Variants in NFIX observed in about 807,000 individuals in gnomAD.
NFIX encodes the protein nuclear factor I X.
Under a neutral mutation model 53.3 loss-of-function variants are expected in NFIX, and 2 were observed. That is an observed-to-expected ratio of 0.04 (90% CI 0.02 to 0.12). The LOEUF (loss-of-function observed/expected upper bound fraction) is 0.12, where lower values mean the gene tolerates loss of function less well. Ranked by LOEUF, NFIX falls within the 10% of genes least tolerant of loss-of-function variation. The pLI is 1.00. For missense variants in NFIX, 310 were observed against 674.5 expected (o/e 0.46, Z 5.99); for synonymous variants, 244 against 289.0 (o/e 0.84, Z 1.58).
At chr19:13,080,322 C>T (rs982606586) in intron 7 of NFIX, among the ~76,000 whole-genome samples, 8 of 152,150 alleles carry the variant, frequency 5.3e-5, no homozygotes, top group South Asian at 4.1e-4. Flanking sequence ...TGCAGTGGCA[C>T]GATTATAGCT....
At chr19:13,058,815 G>A (rs1362727245) in intron 2 of NFIX, among the ~76,000 whole-genome samples, 1 of 152,078 alleles carries the variant, frequency 6.6e-6, no homozygotes, top group East Asian at 1.9e-4. Flanking sequence ...CTCCTTCTGG[G>A]GGCCAGACAG....
chr19:13,031,709 C>T (rs2013823273), intron 2 of NFIX, among the ~76,000 whole-genome samples: 1 of 152,064 alleles, frequency 6.6e-6, no homozygotes, highest in African/African-American at 2.4e-5. Context: ...GCCCAAAGGG[C>T]CTTATTTGGG....
Position 13,001,868 on chromosome 19 carries a change from G to A in NFIX, c.27+6004G>A, listed in dbSNP as rs1009874307. ...TCAGTCCCTTCCCATGAGGTTGAGCGGCCGCAGTGGCCTTGCTGGGGGCCC... is the reference window on the plus strand; with the variant it reads ...TCAGTCCCTTCCCATGAGGTTGAGCAGCCGCAGTGGCCTTGCTGGGGGCCC... On this transcript the variant is annotated intron_variant, in intron 1 of 10. Transcript: ENST00000592199. This position sits in a 1 kb window ranked among gnomAD's most constrained non-coding sequence, Gnocchi z 6.5. Among the ~76,000 whole-genome samples the A allele has an allele frequency of 6.6e-6, 1 of 152,228 alleles. No homozygotes were observed. Among genetic ancestry groups the A allele is most frequent in the Non-Finnish European group, 1.5e-5 (1 of 68,030 alleles).
intron 1 of NFIX, among the ~76,000 whole-genome samples, chr19:13,004,327 C>T (rs771443565): frequency 7.2e-5 from 11 of 152,112 alleles, no homozygotes; most frequent in Admixed American, 2.6e-4. Context: ...CCAAACAAGA[C>T]GCCAGCTGAC....
In NFIX at chr19:13,093,023, T is replaced by C. The variant is rs1049819415; in HGVS notation, c.1495-1612T>C. Among the ~76,000 whole-genome samples, 25 of 152,256 alleles carry C rather than the reference T, an allele frequency of 1.6e-4. No individual in the cohort carries two copies. Among genetic ancestry groups the C allele is most frequent in the Admixed American group, 6.5e-5 (1 of 15,280 alleles). ...CCCACCCAGCAGCGCCTGCTCATTG[T>C]GGCAATCCCAAACCGCCACATTTCC... On this transcript the variant is annotated intron_variant, in intron 10 of 10. Coordinates refer to ENST00000592199, the MANE Select transcript of NFIX (RefSeq NM_001365902.3). This position sits in a 1 kb window ranked among gnomAD's most constrained non-coding sequence, Gnocchi z 4.7.
In NFIX at chr19:12,998,985, C is replaced by G. The variant is rs993634823; in HGVS notation, c.27+3121C>G. Among the ~76,000 whole-genome samples the G allele has an allele frequency of 3.9e-5, 6 of 151,986 alleles. No individual in the cohort carries two copies. Among genetic ancestry groups the G allele is most frequent in the African/African-American group, 1.5e-4 (6 of 41,362 alleles). On this transcript the variant is annotated intron_variant, in intron 1 of 10. Transcript: ENST00000592199. This position sits in a 1 kb window ranked among gnomAD's most constrained non-coding sequence, Gnocchi z 4.4. Reference sequence around the variant, plus strand: ...GATAGCGACGAAGGCACATGGAGACCACGACACCTCCCAGACTCATGGAGC... The same window carrying G: ...GATAGCGACGAAGGCACATGGAGACGACGACACCTCCCAGACTCATGGAGC...
Position 13,022,482 on chromosome 19 carries a change from A to G in NFIX, c.28-2539A>G, listed in dbSNP as rs1326657113. Among the ~76,000 whole-genome samples, 2 of 152,042 alleles carry G rather than the reference A, an allele frequency of 1.3e-5. No homozygotes were observed. The highest frequency in any genetic ancestry group is 2.9e-5 in the Non-Finnish European group (2 of 68,012). On this transcript the variant is annotated intron_variant, in intron 1 of 10. Coordinates refer to ENST00000592199, the MANE Select transcript of NFIX (RefSeq NM_001365902.3). The surrounding 1 kb of genome is among the most constrained non-coding windows in gnomAD (Gnocchi z 4.5). The stretch of plus-strand genomic sequence containing the variant: ...TCCCTGCCCTGGAAGTACTGCTGGC[A>G]TGGACACTTTCTGAGCTCTCTTTCT...
Position 13,040,663 on chromosome 19 carries a change from T to C in NFIX, c.559+15111T>C, listed in dbSNP as rs7508365. 0.8 allele frequency among the ~76,000 whole-genome samples: 121,357 copies of C among 152,154 alleles called. 49,331 individuals carry two copies. Among genetic ancestry groups the C allele is most frequent in the African/African-American group, 0.94 (38,934 of 41,520 alleles). On this transcript the variant is annotated intron_variant, in intron 2 of 10. Coordinates refer to ENST00000592199, the MANE Select transcript of NFIX (RefSeq NM_001365902.3). This position sits in a 1 kb window ranked among gnomAD's most constrained non-coding sequence, Gnocchi z 4.2. Reference sequence around the variant, plus strand: ...CTCGGGTCAGAGATGACTGCCGTCCTCCAGCTGGTACATGTGCTTGCGGCT... The same window carrying C: ...CTCGGGTCAGAGATGACTGCCGTCCCCCAGCTGGTACATGTGCTTGCGGCT...
Position 13,081,305 on chromosome 19 carries a change from A to G in NFIX, c.1079-375A>G, listed in dbSNP as rs941565161. On this transcript the variant is annotated intron_variant, in intron 7 of 10. Transcript: ENST00000592199. This position sits in a 1 kb window ranked among gnomAD's most constrained non-coding sequence, Gnocchi z 4.7. Reference sequence around the variant, plus strand: ...GATGACAGAGCGAGACCCTGTCTCAAATAATAATAATAACACTTTTTTAAA... The same window carrying G: ...GATGACAGAGCGAGACCCTGTCTCAGATAATAATAATAACACTTTTTTAAA... 6.6e-6 allele frequency among the ~76,000 whole-genome samples: 1 copy of G among 152,072 alleles called. No individual in the cohort carries two copies. The highest frequency in any genetic ancestry group is 6.5e-5 in the Admixed American group (1 of 15,272).
intron 6 of NFIX, among the ~76,000 whole-genome samples, chr19:13,075,956 G>A (rs1257514451): frequency 1.3e-5 from 2 of 152,262 alleles, no homozygotes; most frequent in South Asian, 2.1e-4. Context: ...TGGGATGGCC[G>A]CAGCCCCTCC....
rs938652917 is a variant in NFIX, at chr19:13,035,599, AT to A, written c.559+10059del. Among the ~76,000 whole-genome samples the A allele has an allele frequency of 1.8e-3, 270 of 146,830 alleles. 1 individual carries two copies. The highest frequency in any genetic ancestry group is 9.1e-3 in the East Asian group (46 of 5,062). On this transcript the variant is annotated intron_variant, in intron 2 of 10. Coordinates refer to ENST00000592199, the MANE Select transcript of NFIX (RefSeq NM_001365902.3). ...AGTACTACTCTTTTTAAATGATTTG[AT>A]TTTTTTTTTTTATTATAGTAGTAAA...
In NFIX at chr19:13,057,575, G is replaced by A. The variant is rs545141898; in HGVS notation, c.560-15472G>A. Among the ~76,000 whole-genome samples the A allele has an allele frequency of 1.4e-4, 22 of 152,236 alleles. No individual in the cohort carries two copies. The South Asian group carries it at 4.6e-3, about 32-fold the overall frequency. On this transcript the variant is annotated intron_variant, in intron 2 of 10. Coordinates refer to ENST00000592199, the MANE Select transcript of NFIX (RefSeq NM_001365902.3). ...CCCCTGCTCATGTCCTCCTCAGGCT[G>A]AGGAGAGGGGAACAAGCTATTAAAA...
Position 13,067,994 on chromosome 19 carries a change from A to G in NFIX, c.560-5053A>G, listed in dbSNP as rs545322754. ...GTGACAGGTGCCTGTAGTTCCCAGT[A>G]CTCGGGAGGCTGAGGCAGGAGAATG... On this transcript the variant is annotated intron_variant, in intron 2 of 10. Coordinates refer to ENST00000592199, the MANE Select transcript of NFIX (RefSeq NM_001365902.3). The surrounding 1 kb of genome is among the most constrained non-coding windows in gnomAD (Gnocchi z 4.2). Among the ~76,000 whole-genome samples the G allele has an allele frequency of 6.6e-6, 1 of 151,716 alleles. No homozygotes were observed. The highest frequency in any genetic ancestry group is 2.1e-4 in the South Asian group (1 of 4,782).
At chr19:13,026,362 A>G (rs924136924) in intron 2 of NFIX, among the ~76,000 whole-genome samples, 13 of 151,674 alleles carry the variant, frequency 8.6e-5, no homozygotes, top group African/African-American at 3.1e-4. Flanking sequence ...GAGGTCTTAA[A>G]CAAGCAAACA....
chr19:13,043,348 C>T lies in NFIX; in HGVS notation c.559+17796C>T. Among the ~76,000 whole-genome samples the T allele has an allele frequency of 6.6e-6, 1 of 152,204 alleles. No homozygotes were observed. Among genetic ancestry groups the T allele is most frequent in the East Asian group, 1.9e-4 (1 of 5,196 alleles). Reference sequence around the variant, plus strand: ...TGGCAGTTTCCTCTCAGCTTCTGGCCTTGGGACTGCAGAAGTGGCTCTTGA... The same window carrying T: ...TGGCAGTTTCCTCTCAGCTTCTGGCTTTGGGACTGCAGAAGTGGCTCTTGA... On this transcript the variant is annotated intron_variant, in intron 2 of 10. Transcript: ENST00000592199. This position sits in a 1 kb window ranked among gnomAD's most constrained non-coding sequence, Gnocchi z 4.0.
intron 2 of NFIX, among the ~76,000 whole-genome samples, chr19:13,042,065 T>A (rs1417888935): frequency 1.0e-3 from 1 of 958 alleles, no homozygotes; most frequent in African/African-American, 6.5e-3. Context: ...ACCTGGCTAA[T>A]TTTTTTTTTT....
chr19:13,057,531 C>CCCCAGGG (rs1299756707), intron 2 of NFIX, among the ~76,000 whole-genome samples: 2 of 152,108 alleles, frequency 1.3e-5, no homozygotes, highest in African/African-American at 4.8e-5. Context: ...AGCCTCGGCT[C>CCCCAGGG]CCCAGGGCCC....
Position 13,081,006 on chromosome 19 carries a change from A to C in NFIX, c.1079-674A>C, listed in dbSNP as rs1341044355. Among the ~76,000 whole-genome samples the C allele has an allele frequency of 1.4e-5, 2 of 140,256 alleles. No homozygotes were observed. Among genetic ancestry groups the C allele is most frequent in the Non-Finnish European group, 3.1e-5 (2 of 63,856 alleles). The allele number at this position is 140,256 out of a possible 152,430, so 92.0% of individuals were successfully genotyped here. A position where few individuals can be genotyped will look rare whatever the true frequency, so the allele number is the denominator to read the frequency against. ...GAGAGCGAGACTCAGTCTCAAAAAA[A>C]AAAATTCTTTAGGCTGGGCACAGTG... is the stretch of plus-strand genomic sequence containing the variant. On this transcript the variant is annotated intron_variant, in intron 7 of 10. Transcript: ENST00000592199. This position sits in a 1 kb window ranked among gnomAD's most constrained non-coding sequence, Gnocchi z 4.7.
chr19:13,012,055 G>C lies in NFIX; in HGVS notation c.28-12966G>C, dbSNP rs1056711767. On this transcript the variant is annotated intron_variant, in intron 1 of 10. Transcript: ENST00000592199. This position sits in a 1 kb window ranked among gnomAD's most constrained non-coding sequence, Gnocchi z 5.0. Reference sequence around the variant, plus strand: ...CAGCACATGCCTGGACCGTGCAGGAGGCCCAGAACCGGGGCGCGAAGGGGC... The same window carrying C: ...CAGCACATGCCTGGACCGTGCAGGACGCCCAGAACCGGGGCGCGAAGGGGC... 1 of 152,326 alleles carries C rather than the reference G, an allele frequency of 6.6e-6. No individual in the cohort carries two copies. The highest frequency in any genetic ancestry group is 1.5e-5 in the Non-Finnish European group (1 of 68,088). The allele number at this position is 152,326 out of a possible 1,614,324, so 9.4% of individuals were successfully genotyped here.
Sources: allele counts gnomAD v4.1 joint callset (sites outside exome capture counted in the v4.1 genomes callset), GRCh38; gene constraint gnomAD v4.1.1; non-coding constraint Gnocchi (gnomAD v3.1); transcripts MANE v1.5; gene names NCBI Gene and HGNC (gene_info 2026-07-23, HGNC 2026-07-21).